Variants in EXOC4 observed in about 807,000 individuals in gnomAD.
EXOC4 encodes the protein exocyst complex component 4.
A neutral mutation model predicts 107.2 loss-of-function variants in EXOC4; 71 were observed. The ratio of observed to expected loss-of-function variants is 0.66; its 90% confidence interval spans 0.55 to 0.81. EXOC4 has a LOEUF of 0.81. Ranked by LOEUF, EXOC4 falls within the 30% of genes least tolerant of loss-of-function variation. EXOC4 has a pLI of 0.00. For missense variants in EXOC4, 1,108 were observed against 1,189.6 expected (o/e 0.93, Z 1.01); for synonymous variants, 456 against 441.2 (o/e 1.03, Z -0.42).
intron 11 of EXOC4, among the ~76,000 whole-genome samples, chr7:133,877,507 G>A (rs1798874444): frequency 2.0e-5 from 3 of 152,062 alleles, no homozygotes; most frequent in Admixed American, 2.0e-4. Flanking sequence ...TTACTCTAAG[G>A]CTAATTTGGC....
chr7:133,997,749 C>T, intron 15 of EXOC4, 116 bp downstream of exon 15: 1 of 1,169,002 alleles, frequency 8.6e-7, no homozygotes, highest in South Asian at 1.5e-5. Context: ...TGATGTTATC[C>T]CTTTTTACAC....
chr7:133,730,097 C>A (rs911570264), intron 10 of EXOC4, among the ~76,000 whole-genome samples: 3 of 149,228 alleles, frequency 2.0e-5, no homozygotes, highest in Middle Eastern at 3.2e-3. Flanking sequence ...GCTTTAATTT[C>A]CTGTTATTCC....
chr7:133,508,503 C>T (rs1799707865), intron 9 of EXOC4, among the ~76,000 whole-genome samples: 1 of 152,216 alleles, frequency 6.6e-6, no homozygotes, highest in South Asian at 2.1e-4. Context: ...CTCTTTAACA[C>T]TGTAGCACTT....
intron 9 of EXOC4, among the ~76,000 whole-genome samples, chr7:133,623,368 G>C (rs1353931069): frequency 6.6e-6 from 1 of 152,076 alleles, no homozygotes; most frequent in African/African-American, 2.4e-5. Context: ...TTCTCACTGA[G>C]CAAACTTTAT....
At chr7:133,946,208 T>C (rs62470445) in intron 14 of EXOC4, among the ~76,000 whole-genome samples, 45,800 of 152,062 alleles carry the variant, frequency 0.3, 7,310 homozygotes, top group Non-Finnish European at 0.34. Context: ...TAAGCTGACT[T>C]TCATATTGTG....
intron 12 of EXOC4, among the ~76,000 whole-genome samples, chr7:133,899,117 GC>G (rs1030846239): frequency 6.6e-6 from 1 of 150,422 alleles, no homozygotes; most frequent in Non-Finnish European, 1.5e-5. Context: ...AGTAGGGCAT[GC>G]CCTCTTTTTC....
At chr7:133,586,759 TTATC>T (rs1332371371) in intron 9 of EXOC4, among the ~76,000 whole-genome samples, 1 of 152,188 alleles carries the variant, frequency 6.6e-6, no homozygotes, top group African/African-American at 2.4e-5. Flanking sequence ...ATGCTGTTGT[TTATC>T]TAGATATACT....
intron 7 of EXOC4, 40 bp from the exon 8 acceptor site, chr7:133,475,288 A>G: frequency 1.3e-6 from 2 of 1,512,320 alleles, no homozygotes; most frequent in South Asian, 2.4e-5. Context: ...CACATTAAAA[A>G]TGTGTATATT....
rs143017406 is a variant in EXOC4, at chr7:133,515,332, T to TAC, written c.1417+35215_1417+35216dup. Among the ~76,000 whole-genome samples, 473 of 149,936 alleles carry TAC rather than the reference T, an allele frequency of 3.2e-3. 3 individuals carry two copies. Among genetic ancestry groups the TAC allele is most frequent in the Middle Eastern group, 0.011 (3 of 284 alleles). On this transcript the variant is annotated intron_variant, in intron 9 of 17. Coordinates refer to ENST00000253861, the MANE Select transcript of EXOC4 (RefSeq NM_021807.4). Reference sequence around the variant, plus strand: ...CTCCAATCAGTAGCCCAAGTGTGCATACACACACACACACACACACACGTA... The same window carrying TAC: ...CTCCAATCAGTAGCCCAAGTGTGCATACACACACACACACACACACACACGTA...
rs146601421 is a variant in EXOC4, at chr7:134,063,003, G to T, written c.2688-1288G>T. Among the ~76,000 whole-genome samples the T allele has an allele frequency of 6.0e-3, 917 of 152,308 alleles. 10 individuals carry two copies. Among genetic ancestry groups the T allele is most frequent in the African/African-American group, 0.016 (675 of 41,566 alleles). On this transcript the variant is annotated intron_variant, in intron 17 of 17. Coordinates refer to ENST00000253861, the MANE Select transcript of EXOC4 (RefSeq NM_021807.4). ...CCAATGCCCTGCCAGACCATTCTGCGTTTGATTGTCACAGTAATCTTCCAG... is the reference window on the plus strand; with the variant it reads ...CCAATGCCCTGCCAGACCATTCTGCTTTTGATTGTCACAGTAATCTTCCAG...
intron 7 of EXOC4, among the ~76,000 whole-genome samples, chr7:133,406,250 A>G (rs183824149): frequency 7.2e-4 from 110 of 152,322 alleles, no homozygotes; most frequent in Non-Finnish European, 1.4e-3. Context: ...TCCAAATCCC[A>G]TGCCATTTTC....
At chr7:133,525,363 G>A (rs1024080561) in intron 9 of EXOC4, among the ~76,000 whole-genome samples, 2 of 152,134 alleles carry the variant, frequency 1.3e-5, no homozygotes, top group African/African-American at 2.4e-5. Flanking sequence ...ATTTTCAAGT[G>A]AGAATAATAA....
At chr7:134,059,316 G>T (rs1297404301) in intron 17 of EXOC4, among the ~76,000 whole-genome samples, 1 of 152,132 alleles carries the variant, frequency 6.6e-6, no homozygotes, top group Non-Finnish European at 1.5e-5. Context: ...CAACTTGGGA[G>T]GTAGAACCAG....
In EXOC4 at chr7:133,602,653, T is replaced by C. The variant is rs146658299; in HGVS notation, c.1418-27392T>C. On this transcript the variant is annotated intron_variant, in intron 9 of 17. Coordinates refer to ENST00000253861, the MANE Select transcript of EXOC4 (RefSeq NM_021807.4). ...AATTTCAGACTAAACAAAGCTGCCA[T>C]GATGAGAAGGTAGAGAAACCCTTCT... Among the ~76,000 whole-genome samples the C allele has an allele frequency of 4.8e-3, 736 of 152,320 alleles. 3 individuals carry two copies. The highest frequency in any genetic ancestry group is 0.017 in the Middle Eastern group (5 of 294).
At chr7:133,451,303 T>TA (rs1798341886) in intron 7 of EXOC4, among the ~76,000 whole-genome samples, 1 of 151,912 alleles carries the variant, frequency 6.6e-6, no homozygotes, top group Non-Finnish European at 1.5e-5. Context: ...ACCAGACAAA[T>TA]ATCATTTTAA....
rs376214565 is a variant in EXOC4, at chr7:133,948,891, A to C, written c.2206+10822A>C. 2.0e-5 allele frequency among the ~76,000 whole-genome samples: 3 copies of C among 152,236 alleles called. No homozygotes were observed. In the East Asian group the frequency reaches 5.8e-4, roughly 29 times the overall value. On this transcript the variant is annotated intron_variant, in intron 14 of 17. Coordinates refer to ENST00000253861, the MANE Select transcript of EXOC4 (RefSeq NM_021807.4). ...TGGAAAAACAACATAATCACCTATT[A>C]CGAGTTACGAGTGACAGAGTTACAA...
In EXOC4 at chr7:133,987,078, G is replaced by A. The variant is rs138701651; in HGVS notation, c.2207-10414G>A. Among the ~76,000 whole-genome samples the A allele has an allele frequency of 9.9e-5, 15 of 152,142 alleles. No homozygotes were observed. The East Asian group carries it at 2.9e-3, about 29-fold the overall frequency. Reference sequence around the variant, plus strand: ...GGCAACAACATCAAAGGATTTCAGAGTTGTCTTAAGACCTGGTAACATATT... The same window carrying A: ...GGCAACAACATCAAAGGATTTCAGAATTGTCTTAAGACCTGGTAACATATT... On this transcript the variant is annotated intron_variant, in intron 14 of 17. Coordinates refer to ENST00000253861, the MANE Select transcript of EXOC4 (RefSeq NM_021807.4).
chr7:133,730,469 C>T (rs75700808), intron 10 of EXOC4, among the ~76,000 whole-genome samples: 2,216 of 152,106 alleles, frequency 0.015, 19 homozygotes, highest in Middle Eastern at 0.027. Context: ...TGGTCCTGCC[C>T]TATCTGCTGA....
chr7:133,554,499 T>C (rs1800655123), intron 9 of EXOC4, among the ~76,000 whole-genome samples: 1 of 152,192 alleles, frequency 6.6e-6, no homozygotes, highest in Admixed American at 6.5e-5. Flanking sequence ...CTGCCTGATC[T>C]GTGTTTCAAA....
Sources: gnomAD v4.1 joint callset for allele counts (sites outside exome capture counted in the v4.1 genomes callset) on GRCh38, gnomAD v4.1.1 for gene constraint, MANE v1.5 for transcripts, NCBI Gene and HGNC (gene_info 2026-07-23, HGNC 2026-07-21) for gene names.